NAA25: variants seen among roughly 807,000 people sequenced by gnomAD.
NAA25 encodes N-terminal acetyltransferase B complex subunit NAA25.
In NAA25, 30 loss-of-function variants were observed where a neutral mutation model predicts 132.5. The observed-to-expected ratio is 0.23, with a 90% confidence interval of 0.17 to 0.31. NAA25 has a LOEUF of 0.31. Ranked by LOEUF, NAA25 falls within the 10% of genes least tolerant of loss-of-function variation. The pLI, the probability that NAA25 is intolerant of heterozygous loss-of-function variation, is 1.00. For synonymous variants in NAA25, 359 were observed against 401.9 expected, an observed-to-expected ratio of 0.89 and a Z score of 1.28; for missense variants, 771 against 1,150.4, an observed-to-expected ratio of 0.67 and a Z score of 4.77.
At chr12:112,075,041 A>G (rs781561638) in intron 8 of NAA25, among the ~76,000 whole-genome samples, 1 of 152,112 alleles carries the variant, frequency 6.6e-6, no homozygotes, top group Non-Finnish European at 1.5e-5. Context: ...CCACATAAGC[A>G]CTTCCAAAAT....
At position 112,040,482 on chromosome 12, in the gene NAA25, T is replaced by C; in HGVS notation, c.2537A>G (p.Glu846Gly). The change falls in exon 21 of 24, where the codon GAG becomes GGG. Residue 846 changes from glutamate (E) to glycine (G), a missense_variant and splice_region_variant. By Grantham distance (98) the Glu-to-Gly change is moderately conservative (BLOSUM62 -2). Transcript: ENST00000261745. ...TTTAGGAAGAGAACAAAAACTTACC[T>C]CAACAAAGAAAACTAGATTTTCTAA... Reference protein sequence around the residue: ...TLLENLVFFVETISVILWVSS... With the variant: ...TLLENLVFFVGTISVILWVSS... 1 of 1,561,816 alleles carries C rather than the reference T, an allele frequency of 6.4e-7. No homozygotes were observed. Among genetic ancestry groups the C allele is most frequent in the Non-Finnish European group, 8.8e-7 (1 of 1,138,706 alleles).
chr12:112,105,846 T>C (rs1484628309), intron 1 of NAA25, among the ~76,000 whole-genome samples: 1 of 152,204 alleles, frequency 6.6e-6, no homozygotes, highest in Non-Finnish European at 1.5e-5. Flanking sequence ...AGGCTTCAGT[T>C]TGATCACAAT....
rs991484410 is a variant in NAA25 at position 112,029,502 on chromosome 12, A to G, written c.*29T>C. 30 of 1,613,610 alleles carry G rather than the reference A, an allele frequency of 1.9e-5. No individual in the cohort carries two copies. The highest frequency in any genetic ancestry group is 2.5e-5 in the Non-Finnish European group (29 of 1,179,828). On this transcript the variant is annotated 3_prime_UTR_variant, in exon 24 of 24. Transcript: ENST00000261745. Reference sequence around the variant, plus strand: ...AAGATGGTGTCATATTCTGTTGCAGAGTCATCAGTGCCCATGATAGATACT... The same window carrying G: ...AAGATGGTGTCATATTCTGTTGCAGGGTCATCAGTGCCCATGATAGATACT...
chr12:112,099,140 C>T (rs953373830), intron 1 of NAA25, among the ~76,000 whole-genome samples: 1 of 152,056 alleles, frequency 6.6e-6, no homozygotes, highest in African/African-American at 2.4e-5. Context: ...GTGCGCACCA[C>T]CACACCCAGC....
At chr12:112,085,019 G>A (rs1030524821) in intron 4 of NAA25, among the ~76,000 whole-genome samples, 1 of 151,286 alleles carries the variant, frequency 6.6e-6, no homozygotes, top group Non-Finnish European at 1.5e-5. Context: ...GTCAAGAGGT[G>A]AGGAGTTCGA....
At chr12:112,034,718 A>G (rs2078200392) in intron 22 of NAA25, 1 of 151,594 alleles carries the variant, frequency 6.6e-6, no homozygotes, top group Non-Finnish European at 1.5e-5. Flanking sequence ...AGCCTGAGGG[A>G]GAAGAATCGC....
intron 7 of NAA25, among the ~76,000 whole-genome samples, chr12:112,077,462 ACT>A (rs1660277349): frequency 6.8e-6 from 1 of 147,050 alleles, no homozygotes; most frequent in Admixed American, 7.0e-5. Context: ...ACAGAGTGAG[ACT>A]CTGTCTCCAA....
intron 14 of NAA25, among the ~76,000 whole-genome samples, chr12:112,053,874 A>G (rs920436421): frequency 6.6e-6 from 1 of 151,716 alleles, no homozygotes; most frequent in African/African-American, 2.4e-5. Context: ...TGGGAGACCT[A>G]AAGTTCTGTA....
intron 1 of NAA25, among the ~76,000 whole-genome samples, chr12:112,097,601 C>G (rs1363723443): frequency 7.5e-6 from 1 of 133,676 alleles, no homozygotes; most frequent in Non-Finnish European, 1.6e-5. Flanking sequence ...AGCGAGACTC[C>G]GTCTCAAAAA....
intron 11 of NAA25, among the ~76,000 whole-genome samples, chr12:112,067,761 C>T (rs968640483): frequency 6.6e-6 from 1 of 152,140 alleles, no homozygotes; most frequent in African/African-American, 2.4e-5. Flanking sequence ...TATTTCACTC[C>T]GCATAAATTC....
intron 1 of NAA25, among the ~76,000 whole-genome samples, chr12:112,107,569 TA>T (rs3841472): frequency 0.015 from 2,205 of 143,890 alleles, 58 homozygotes; most frequent in African/African-American, 0.053. Flanking sequence ...GATGTGAGAG[TA>T]AAAAAAAAAA....
At chr12:112,107,563 TGA>T (rs951650241) in intron 1 of NAA25, among the ~76,000 whole-genome samples, 3 of 147,480 alleles carry the variant, frequency 2.0e-5, no homozygotes, top group Non-Finnish European at 4.4e-5. Flanking sequence ...AAATGAGATG[TGA>T]GAGTAAAAAA....
chr12:112,086,102 A>ACG (rs796241170), intron 4 of NAA25, among the ~76,000 whole-genome samples: 1 of 120,788 alleles, frequency 8.3e-6, no homozygotes, highest in African/African-American at 3.5e-5. Flanking sequence ...ACACACACAC[A>ACG]CCCATAACCA....
At chr12:112,082,942 G>C (rs926594544) in intron 4 of NAA25, among the ~76,000 whole-genome samples, 1 of 152,110 alleles carries the variant, frequency 6.6e-6, no homozygotes, top group African/African-American at 2.4e-5. Context: ...AAACAAGTAG[G>C]ATGTCTGGCT....
intron 1 of NAA25, among the ~76,000 whole-genome samples, chr12:112,103,323 T>A (rs940037647): frequency 2.0e-5 from 3 of 152,140 alleles, no homozygotes; most frequent in African/African-American, 7.2e-5. Flanking sequence ...TTGTTAACAC[T>A]TGGCCAAAAC....
intron 17 of NAA25, among the ~76,000 whole-genome samples, chr12:112,046,299 T>C (rs2078380226): frequency 6.6e-6 from 1 of 152,228 alleles, no homozygotes; most frequent in African/African-American, 2.4e-5. Context: ...GAAAGGAGCA[T>C]ACTCAGTGTT....
At chr12:112,101,938 C>T (rs2079302260) in intron 1 of NAA25, among the ~76,000 whole-genome samples, 1 of 150,822 alleles carries the variant, frequency 6.6e-6, no homozygotes, top group Non-Finnish European at 1.5e-5. Context: ...GCAATCCCGG[C>T]TCACTGCATC....
intron 13 of NAA25, among the ~76,000 whole-genome samples, chr12:112,059,825 T>TG (rs1555234400): frequency 1.3e-5 from 2 of 151,632 alleles, no homozygotes; most frequent in African/African-American, 2.4e-5. Context: ...TTTTTTTTTT[T>TG]GAGACGGAGT....
intron 11 of NAA25, among the ~76,000 whole-genome samples, chr12:112,062,841 A>G (rs2078656219): frequency 6.6e-6 from 1 of 152,178 alleles, no homozygotes; most frequent in Non-Finnish European, 1.5e-5. Context: ...TCAAGAGTTC[A>G]AGATCAGCCT....
Sources: gnomAD v4.1 joint callset for allele counts (sites outside exome capture counted in the v4.1 genomes callset) on GRCh38, gnomAD v4.1.1 for gene constraint, MANE v1.5 for transcripts, NCBI Gene and HGNC (gene_info 2026-07-23, HGNC 2026-07-21) for gene names.